CMIP: variants seen among roughly 807,000 people sequenced by gnomAD.
CMIP encodes C-Maf-inducing protein.
A neutral mutation model predicts 97.3 loss-of-function variants in CMIP; 13 were observed. The ratio of observed to expected loss-of-function variants is 0.13; its 90% confidence interval spans 0.09 to 0.21. CMIP has a LOEUF of 0.21. CMIP is among the 10% of genes least tolerant of loss of function. The probability of loss-of-function intolerance (pLI) is 1.00; values close to 1 mark genes in which losing one functional copy is unlikely to be tolerated. For missense variants in CMIP, 847 were observed against 1,024.9 expected (o/e 0.83, Z 2.37); for synonymous variants, 538 against 436.3 (o/e 1.23, Z -2.91).
intron 1 of CMIP, among the ~76,000 whole-genome samples, chr16:81,494,719 G>A (rs2089460021): frequency 6.6e-6 from 1 of 152,242 alleles, no homozygotes. Flanking sequence ...TGCAAAGCCT[G>A]TGCTCTTTCG....
Position 81,707,370 on chromosome 16 carries a change from C to T in CMIP, c.2268+286C>T, listed in dbSNP as rs375869734. On this transcript the variant is annotated intron_variant, in intron 20 of 20. Coordinates refer to ENST00000537098, the MANE Select transcript of CMIP (RefSeq NM_198390.3). ...CATAAGAAGCCAGAAATACCAAGGGCGAGAGGAAAAGCAAGTGCCAAGGTC... is the reference window on the plus strand; with the variant it reads ...CATAAGAAGCCAGAAATACCAAGGGTGAGAGGAAAAGCAAGTGCCAAGGTC... Among the ~76,000 whole-genome samples, 20 of 152,154 alleles carry T rather than the reference C, an allele frequency of 1.3e-4. No individual in the cohort carries two copies. The East Asian group carries it at 2.7e-3, about 21-fold the overall frequency.
chr16:81,667,900 C>G (rs961079414), intron 7 of CMIP, among the ~76,000 whole-genome samples: 3 of 151,720 alleles, frequency 2.0e-5, no homozygotes, highest in Non-Finnish European at 4.4e-5. Context: ...CTGCCTCCCT[C>G]TTTATGTAGC....
At chr16:81,586,267 TTAC>T (rs1454759058) in intron 1 of CMIP, among the ~76,000 whole-genome samples, 1 of 152,140 alleles carries the variant, frequency 6.6e-6, no homozygotes. Flanking sequence ...CAAAGCAACT[TTAC>T]TACTATTTTG....
At chr16:81,548,135 T>C (rs1355111720) in intron 1 of CMIP, among the ~76,000 whole-genome samples, 1 of 148,582 alleles carries the variant, frequency 6.7e-6, no homozygotes, top group Non-Finnish European at 1.5e-5. Flanking sequence ...GATCACTTTT[T>C]TTTTTTTTTT....
intron 1 of CMIP, among the ~76,000 whole-genome samples, chr16:81,531,564 G>A (rs1175999722): frequency 6.6e-6 from 1 of 152,228 alleles, no homozygotes; most frequent in Non-Finnish European, 1.5e-5. Flanking sequence ...GACCAAGTAG[G>A]AAGTTGGGAC....
intron 1 of CMIP, among the ~76,000 whole-genome samples, chr16:81,581,049 C>A (rs1178942226): frequency 6.6e-6 from 1 of 152,196 alleles, no homozygotes; most frequent in Non-Finnish European, 1.5e-5. Flanking sequence ...CCACTGGCTT[C>A]TTTCCCTCAG....
intron 3 of CMIP, among the ~76,000 whole-genome samples, chr16:81,628,842 G>T (rs4889355): frequency 0.045 from 6,916 of 152,092 alleles, 196 homozygotes; most frequent in Non-Finnish European, 0.053. Flanking sequence ...CACCACTAGG[G>T]TTATGTGAAT....
intron 16 of CMIP, 30 bp from the exon 17 acceptor site, chr16:81,702,592 T>C (rs1907545012): frequency 6.2e-7 from 1 of 1,608,504 alleles, no homozygotes; most frequent in Admixed American, 1.7e-5. Context: ...GGGAAAAGAA[T>C]GGTTGTAACC....
At chr16:81,502,401 G>T (rs2089629517) in intron 1 of CMIP, among the ~76,000 whole-genome samples, 1 of 152,210 alleles carries the variant, frequency 6.6e-6, no homozygotes, top group South Asian at 2.1e-4. Flanking sequence ...GGACATGGTG[G>T]CACTGCCTCC....
chr16:81,482,745 G>T (rs952653973), intron 1 of CMIP, among the ~76,000 whole-genome samples: 5 of 152,230 alleles, frequency 3.3e-5, no homozygotes, highest in Admixed American at 1.3e-4. Context: ...ACAAACCCGG[G>T]CTTCGGAGTC....
chr16:81,453,827 C>T lies in CMIP; in HGVS notation c.300+8286C>T, dbSNP rs1428405168. 6.6e-6 allele frequency among the ~76,000 whole-genome samples: 1 copy of T among 152,096 alleles called. No homozygotes were observed. The highest frequency in any genetic ancestry group is 2.4e-5 in the African/African-American group (1 of 41,408). On this transcript the variant is annotated intron_variant, in intron 1 of 20. Coordinates refer to ENST00000537098, the MANE Select transcript of CMIP (RefSeq NM_198390.3). This position sits in a 1 kb window ranked among gnomAD's most constrained non-coding sequence, Gnocchi z 4.0. ...GTCAGGGGGATGGGGAAAGAGTGAGCACCACAGCCAAGCCGTTTGTAGATC... is the reference window on the plus strand; with the variant it reads ...GTCAGGGGGATGGGGAAAGAGTGAGTACCACAGCCAAGCCGTTTGTAGATC...
chr16:81,601,027 G>T (rs957174305), intron 1 of CMIP, among the ~76,000 whole-genome samples: 1 of 152,194 alleles, frequency 6.6e-6, no homozygotes, highest in Non-Finnish European at 1.5e-5. Flanking sequence ...TGTCCCCTGT[G>T]TGATAATTCA....
Position 81,702,760 on chromosome 16 carries a change from T to C in CMIP, c.1944+91T>C. The C allele has an allele frequency of 3.5e-6, 4 of 1,143,592 alleles. No homozygotes were observed. In the East Asian group the frequency reaches 1.0e-4, roughly 28 times the overall value. 70.8% of individuals were successfully genotyped at this position (1,143,592 alleles called of 1,614,324 possible). A position where few individuals can be genotyped will look rare whatever the true frequency, so the allele number is the denominator to read the frequency against. ...CGGCAGGTGGTGTCTGCTGCTGAGA[T>C]GGGAGGTGATGGAGGGCGGGGCACA... is the stretch of plus-strand genomic sequence containing the variant. On this transcript the variant is annotated intron_variant, in intron 17 of 20. Transcript: ENST00000537098.
intron 1 of CMIP, among the ~76,000 whole-genome samples, chr16:81,467,174 C>A (rs1489157176): frequency 6.6e-6 from 1 of 152,160 alleles, no homozygotes; most frequent in Non-Finnish European, 1.5e-5. Flanking sequence ...TTGGGCTGGA[C>A]GTGGACCCAT....
chr16:81,457,746 C>T (rs1312890549), intron 1 of CMIP, among the ~76,000 whole-genome samples: 1 of 152,234 alleles, frequency 6.6e-6, no homozygotes, highest in Non-Finnish European at 1.5e-5. Flanking sequence ...CCTGCACCGT[C>T]CCACAGTCAC....
At chr16:81,707,222 G>A in intron 20 of CMIP, 138 bp downstream of exon 20, 1 of 733,990 alleles carries the variant, frequency 1.4e-6, no homozygotes, top group Non-Finnish European at 2.4e-6. Context: ...AATAATGGCA[G>A]ATCAAAAAGA....
intron 1 of CMIP, among the ~76,000 whole-genome samples, chr16:81,548,892 A>G (rs2090601200): frequency 6.6e-6 from 1 of 152,158 alleles, no homozygotes. Flanking sequence ...GACATTGCCA[A>G]ATGCCCCCCG....
intron 1 of CMIP, among the ~76,000 whole-genome samples, chr16:81,578,797 A>T (rs1016449241): frequency 2.0e-5 from 3 of 152,342 alleles, no homozygotes; most frequent in South Asian, 2.1e-4. Flanking sequence ...CTGGCGTCGG[A>T]AAAGTTCCAT....
intron 1 of CMIP, among the ~76,000 whole-genome samples, chr16:81,457,378 A>G (rs1906616666): frequency 1.3e-5 from 2 of 152,118 alleles, no homozygotes. Flanking sequence ...CAAAATCAAG[A>G]AGAAAAAAAT....
Sources: gnomAD v4.1 joint callset for allele counts (sites outside exome capture counted in the v4.1 genomes callset) on GRCh38, gnomAD v4.1.1 for gene constraint, Gnocchi (gnomAD v3.1) non-coding constraint, MANE v1.5 for transcripts, NCBI Gene and HGNC (gene_info 2026-07-23, HGNC 2026-07-21) for gene names.